The following CELSR3 variants were observed in gnomAD, a reference collection of about 807,000 sequenced individuals.
CELSR3 encodes the protein cadherin EGF LAG seven-pass G-type receptor 3, also known as EGF-like protein 1.
Under a neutral mutation model 270.0 loss-of-function variants are expected in CELSR3, and 73 were observed. The ratio of observed to expected loss-of-function variants is 0.27; its 90% confidence interval spans 0.22 to 0.33. CELSR3 has a LOEUF of 0.33. Ranked by LOEUF, CELSR3 falls within the 10% of genes least tolerant of loss-of-function variation. The probability of loss-of-function intolerance (pLI) is 1.00; values close to 1 mark genes in which losing one functional copy is unlikely to be tolerated. For synonymous variants in CELSR3, 1,780 were observed against 1,905.4 expected (o/e 0.93, Z 1.71); for missense variants, 3,614 against 4,533.8 (o/e 0.80, Z 5.83).
chr3:48,641,131 G>A lies in CELSR3; in HGVS notation c.9025+193C>T, dbSNP rs1264716019. The A allele has an allele frequency of 3.4e-6, 2 of 591,612 alleles. No homozygotes were observed. The highest frequency in any genetic ancestry group is 3.0e-6 in the Non-Finnish European group (1 of 330,830). 36.6% of individuals were successfully genotyped at this position (591,612 alleles called of 1,614,324 possible). A position where few individuals can be genotyped will look rare whatever the true frequency, so the allele number is the denominator to read the frequency against. ...CCCCTGTGGTGCTGGCCAGGGTAGA[G>A]GGGGACAGAGAATTCCCAGGTCAGG... On this transcript the variant is annotated intron_variant, in intron 33 of 34. Coordinates refer to ENST00000164024, the MANE Select transcript of CELSR3 (RefSeq NM_001407.3). This position sits in a 1 kb window ranked among gnomAD's most constrained non-coding sequence, Gnocchi z 4.8.
At position 48,652,077 on chromosome 3, in the gene CELSR3, G is replaced by T. The variant is rs752179609; in HGVS notation, c.5752-29C>A. ...TGGACACACAGCCAGCAAGGGGTGAGACCATGTTAAGGCACCTCAGCCTCA... is the reference window on the plus strand; with the variant it reads ...TGGACACACAGCCAGCAAGGGGTGATACCATGTTAAGGCACCTCAGCCTCA... On this transcript the variant is annotated intron_variant, in intron 11 of 34. Coordinates refer to ENST00000164024, the MANE Select transcript of CELSR3 (RefSeq NM_001407.3). The surrounding 1 kb of genome is among the most constrained non-coding windows in gnomAD (Gnocchi z 4.3). 1.3e-6 allele frequency: 2 copies of T among 1,506,802 alleles called. No individual in the cohort carries two copies. The highest frequency in any genetic ancestry group is 8.8e-7 in the Non-Finnish European group (1 of 1,132,292). 93.3% of individuals were successfully genotyped at this position (1,506,802 alleles called of 1,614,324 possible).
Position 48,658,816 on chromosome 3 carries a change from G to T in CELSR3, c.3748+71C>A. 1 of 1,546,152 alleles carries T rather than the reference G, an allele frequency of 6.5e-7. No individual in the cohort carries two copies. The highest frequency in any genetic ancestry group is 1.2e-5 in the South Asian group (1 of 81,428). ...CTTAGAAATCCCTCTTTGGTTTGAGGTGCCCTGTGGAGTCCCTGAGGCCCA... is the reference window on the plus strand; with the variant it reads ...CTTAGAAATCCCTCTTTGGTTTGAGTTGCCCTGTGGAGTCCCTGAGGCCCA... On this transcript the variant is annotated intron_variant, in intron 1 of 34. Coordinates refer to ENST00000164024, the MANE Select transcript of CELSR3 (RefSeq NM_001407.3). This position sits in a 1 kb window ranked among gnomAD's most constrained non-coding sequence, Gnocchi z 4.7.
Position 48,660,860 on chromosome 3 carries a change from T to C in CELSR3, c.1775A>G (p.His592Arg), listed in dbSNP as rs991689066. 1 of 1,614,016 alleles carries C rather than the reference T, an allele frequency of 6.2e-7. No homozygotes were observed. Among genetic ancestry groups the C allele is most frequent in the African/African-American group, 1.3e-5 (1 of 75,070 alleles). The change falls in exon 1 of 35, where the codon CAC (histidine) becomes CGC (arginine). Residue 592 changes from histidine (H) to arginine (R), a missense_variant. Physicochemically the swap from His to Arg is conservative, Grantham distance 29. Coordinates refer to ENST00000164024, the MANE Select transcript of CELSR3 (RefSeq NM_001407.3). This position sits in a 1 kb window ranked among gnomAD's most constrained non-coding sequence, Gnocchi z 5.5. ...YNIISGNSRG[H>R]FAIDSLTGEI... The stretch of plus-strand genomic sequence containing the variant: ...GCCAGTGAGGCTGTCGATGGCAAAG[T>C]GTCCACGGCTATTGCCACTGATGAT...
In CELSR3 at chr3:48,656,668, C is replaced by T. The variant is rs568858737; in HGVS notation, c.4399+30G>A. 334 of 1,457,212 alleles carry T rather than the reference C, an allele frequency of 2.3e-4. 2 individuals carry two copies. The highest frequency in any genetic ancestry group is 2.2e-3 in the Middle Eastern group (12 of 5,398). The allele number at this position is 1,457,212 out of a possible 1,614,324, so 90.3% of individuals were successfully genotyped here. A position where few individuals can be genotyped will look rare whatever the true frequency, so the allele number is the denominator to read the frequency against. ...CCGCCCCCAGCCTTGGCCCGTGCTT[C>T]CCCCAGCTCTGGCCCGGCGCCCTGC... is the stretch of plus-strand genomic sequence containing the variant. On this transcript the variant is annotated intron_variant, in intron 2 of 34. Coordinates refer to ENST00000164024, the MANE Select transcript of CELSR3 (RefSeq NM_001407.3).
rs777612046 is a variant in CELSR3 at position 48,654,646 on chromosome 3, C to G, written c.4989-194G>C. ...GGGGCACCCGTGATGGGCCGATGGT[C>G]TGGGGAAAGGTAGGTGAATGGGGGT... On this transcript the variant is annotated intron_variant, in intron 6 of 34. Coordinates refer to ENST00000164024, the MANE Select transcript of CELSR3 (RefSeq NM_001407.3). This position sits in a 1 kb window ranked among gnomAD's most constrained non-coding sequence, Gnocchi z 5.4. Among the ~76,000 whole-genome samples, 6 of 151,236 alleles carry G rather than the reference C, an allele frequency of 4.0e-5. No individual in the cohort carries two copies. Among genetic ancestry groups the G allele is most frequent in the Non-Finnish European group, 7.4e-5 (5 of 67,988 alleles).
At position 48,638,034 on chromosome 3, in the gene CELSR3, A is replaced by G. The variant is rs1245465922; in HGVS notation, c.*171T>C. 2 of 610,410 alleles carry G rather than the reference A, an allele frequency of 3.3e-6. No homozygotes were observed. Among genetic ancestry groups the G allele is most frequent in the Non-Finnish European group, 6.1e-6 (2 of 330,508 alleles). The allele number at this position is 610,410 out of a possible 1,614,324, so 37.8% of individuals were successfully genotyped here. ...CCCCGTCTCTGCACCTGTCACACGCATGCTCACAGATGCACATGGAGCCTC... is the reference window on the plus strand; with the variant it reads ...CCCCGTCTCTGCACCTGTCACACGCGTGCTCACAGATGCACATGGAGCCTC... On this transcript the variant is annotated 3_prime_UTR_variant, in exon 35 of 35. Coordinates refer to ENST00000164024, the MANE Select transcript of CELSR3 (RefSeq NM_001407.3).
At position 48,652,924 on chromosome 3, in the gene CELSR3, TG is replaced by T; in HGVS notation, c.5634+77del. The stretch of plus-strand genomic sequence containing the variant: ...TGCAGTGGAGGGAACTGAGAGGAGC[TG>T]GACTAGAGGTGGGGTCAAATAAGGC... On this transcript the variant is annotated intron_variant, in intron 10 of 34. Transcript: ENST00000164024. The surrounding 1 kb of genome is among the most constrained non-coding windows in gnomAD (Gnocchi z 4.3). The T allele has an allele frequency of 8.4e-7, 1 of 1,196,060 alleles. No homozygotes were observed. The highest frequency in any genetic ancestry group is 1.2e-6 in the Non-Finnish European group (1 of 818,504). 74.1% of individuals were successfully genotyped at this position (1,196,060 alleles called of 1,614,324 possible). A position where few individuals can be genotyped will look rare whatever the true frequency, so the allele number is the denominator to read the frequency against.
In CELSR3 at chr3:48,646,252, G is replaced by T. The variant is rs760232249; in HGVS notation, c.7301C>A (p.Pro2434His). 6.2e-7 allele frequency: 1 copy of T among 1,609,698 alleles called. No homozygotes were observed. Among genetic ancestry groups the T allele is most frequent in the East Asian group, 2.2e-5 (1 of 44,800 alleles). The part of the protein sequence containing the change: ...FQAERRGARL[P>H]QNPVMNSPVV... ...CGGGGAGTTCATGACGGGGTTCTGA[G>T]GAAGCCTGGGGAGACACCCATCTGG... is the stretch of plus-strand genomic sequence containing the variant. The change falls in exon 22 of 35, where the codon CCT becomes CAT. Residue 2434 changes from proline to histidine, a missense_variant. Physicochemically the swap from Pro to His is moderately conservative, Grantham distance 77. Around this residue, in one of 7 missense-constraint regions of CELSR3, gnomAD observed 1,240 missense variants for 1,351.7 expected, o/e 0.92. Coordinates refer to ENST00000164024, the MANE Select transcript of CELSR3 (RefSeq NM_001407.3). This position sits in a 1 kb window ranked among gnomAD's most constrained non-coding sequence, Gnocchi z 4.8.
Position 48,650,284 on chromosome 3 carries a change from G to T in CELSR3, c.6472+196C>A. On this transcript the variant is annotated intron_variant, in intron 16 of 34. Coordinates refer to ENST00000164024, the MANE Select transcript of CELSR3 (RefSeq NM_001407.3). The surrounding 1 kb of genome is among the most constrained non-coding windows in gnomAD (Gnocchi z 5.1). ...AACACGTACCCCTTACCTGCACCCC[G>T]CAATCCTGCCCAGAAGCCAAGAGAA... is the stretch of plus-strand genomic sequence containing the variant. 1.5e-6 allele frequency: 1 copy of T among 684,386 alleles called. No homozygotes were observed. The highest frequency in any genetic ancestry group is 2.7e-6 in the Non-Finnish European group (1 of 373,822). The allele number at this position is 684,386 out of a possible 1,614,324, so 42.4% of individuals were successfully genotyped here. A position where few individuals can be genotyped will look rare whatever the true frequency, so the allele number is the denominator to read the frequency against.
chr3:48,654,923 T>G lies in CELSR3; in HGVS notation c.4988+121A>C. 2.0e-6 allele frequency: 2 copies of G among 1,016,036 alleles called. No homozygotes were observed. Among genetic ancestry groups the G allele is most frequent in the Admixed American group, 1.9e-5 (1 of 51,860 alleles). 62.9% of individuals were successfully genotyped at this position (1,016,036 alleles called of 1,614,324 possible). On this transcript the variant is annotated intron_variant, in intron 6 of 34. Transcript: ENST00000164024. This position sits in a 1 kb window ranked among gnomAD's most constrained non-coding sequence, Gnocchi z 5.4. ...CAGGGTCTTTGAGAGGAGAGGGGAA[T>G]CTTGGTGGTTTGGGGGAAAGATGGG...
Position 48,645,969 on chromosome 3 carries a change from G to A in CELSR3, c.7464-101C>T. 1 of 1,569,530 alleles carries A rather than the reference G, an allele frequency of 6.4e-7. No homozygotes were observed. Among genetic ancestry groups the A allele is most frequent in the East Asian group, 2.3e-5 (1 of 44,208 alleles). On this transcript the variant is annotated intron_variant, in intron 22 of 34. Coordinates refer to ENST00000164024, the MANE Select transcript of CELSR3 (RefSeq NM_001407.3). The surrounding 1 kb of genome is among the most constrained non-coding windows in gnomAD (Gnocchi z 5.4). ...TGAGGGTGCCTGGAGTTGGGGTACA[G>A]CATTCCTCATGGTCCGGGTTGCACA...
rs2047132369 is a variant in CELSR3 at position 48,651,001 on chromosome 3, G to A, written c.6261C>T (p.Arg2087=). The change falls in exon 15 of 35, where the codon CGC becomes CGT. Residue 2087 remains arginine, a synonymous_variant. Transcript: ENST00000164024. This position sits in a 1 kb window ranked among gnomAD's most constrained non-coding sequence, Gnocchi z 7.4. ...ACTGCCCGCTGTGGGGTGCACATGAGCGCGAGGTGGAGCCCACAGGGTAGC... is the reference window on the plus strand; with the variant it reads ...ACTGCCCGCTGTGGGGTGCACATGAACGCGAGGTGGAGCCCACAGGGTAGC... ...CDCYPVGSTS[R]SCAPHSGQCP... 1 of 1,608,242 alleles carries A rather than the reference G, an allele frequency of 6.2e-7. No individual in the cohort carries two copies. Among genetic ancestry groups the A allele is most frequent in the Non-Finnish European group, 8.5e-7 (1 of 1,178,104 alleles).
Position 48,640,161 on chromosome 3 carries a change from C to A in CELSR3, c.9424G>T (p.Asp3142Tyr). Residue 3142 changes from aspartate to tyrosine, a missense_variant, in exon 34 of 35, where the codon GAT becomes TAT. Physicochemically the swap from Asp to Tyr is radical, Grantham distance 160 (BLOSUM62 -3). This residue lies in a region of CELSR3 where 1,240 missense variants were observed against 1,351.7 expected (regional missense o/e 0.92). Coordinates refer to ENST00000164024, the MANE Select transcript of CELSR3 (RefSeq NM_001407.3). This position sits in a 1 kb window ranked among gnomAD's most constrained non-coding sequence, Gnocchi z 7.5. ...CGAGGTGCCCCTAAGTCGAGCGCAT[C>A]CCGTGACCCGAAGCGGCCAGCCATG... ...GAMAGRFGSR[D>Y]ALDLGAPREW... 1 of 1,612,634 alleles carries A rather than the reference C, an allele frequency of 6.2e-7. No individual in the cohort carries two copies. The highest frequency in any genetic ancestry group is 1.3e-5 in the African/African-American group (1 of 75,052).
In CELSR3 at chr3:48,640,091, A is replaced by G; in HGVS notation, c.9494T>C (p.Leu3165Pro). 6.2e-7 allele frequency: 1 copy of G among 1,611,066 alleles called. No homozygotes were observed. The change falls in exon 34 of 35, where the codon CTT becomes CCT. Residue 3165 changes from leucine to proline, a missense_variant. Leu to Pro is a moderately conservative substitution (Grantham distance 98). Transcript: ENST00000164024. This position sits in a 1 kb window ranked among gnomAD's most constrained non-coding sequence, Gnocchi z 7.5. The stretch of plus-strand genomic sequence containing the variant: ...GGGCAGAGGTGGGGGCTGTGGGTCA[A>G]GGTCCCGGGTGCGGCGGGGCGGAGG... ...TLPPPRRTRD[L>P]DPQPPPLPLS... is the part of the protein sequence containing the mutation.
chr3:48,653,615 A>T lies in CELSR3; in HGVS notation c.5448+4T>A. ...GGGTATAGGGGTGAGCAGGGTGGAC[A>T]CACCTGGCAAAGGAGCGTGCTGTGT... is the stretch of plus-strand genomic sequence containing the variant. On this transcript the variant is annotated splice_donor_region_variant and intron_variant, in intron 9 of 34. Coordinates refer to ENST00000164024, the MANE Select transcript of CELSR3 (RefSeq NM_001407.3). The surrounding 1 kb of genome is among the most constrained non-coding windows in gnomAD (Gnocchi z 6.5). The T allele has an allele frequency of 1.9e-6, 3 of 1,613,574 alleles. No individual in the cohort carries two copies. The highest frequency in any genetic ancestry group is 2.5e-6 in the Non-Finnish European group (3 of 1,179,698).
chr3:48,654,568 A>T lies in CELSR3; in HGVS notation c.4989-116T>A. 1 of 861,196 alleles carries T rather than the reference A, an allele frequency of 1.2e-6. No homozygotes were observed. Among genetic ancestry groups the T allele is most frequent in the Non-Finnish European group, 1.8e-6 (1 of 563,062 alleles). 53.3% of individuals were successfully genotyped at this position (861,196 alleles called of 1,614,324 possible). On this transcript the variant is annotated intron_variant, in intron 6 of 34. Transcript: ENST00000164024. This position sits in a 1 kb window ranked among gnomAD's most constrained non-coding sequence, Gnocchi z 5.4. Reference sequence around the variant, plus strand: ...GAGGGTAGGGTGATTGAGGGAGGAAAATAAGGCCGAGCTGTGGAAGGAGTT... The same window carrying T: ...GAGGGTAGGGTGATTGAGGGAGGAATATAAGGCCGAGCTGTGGAAGGAGTT...
rs2047027696 is a variant in CELSR3 at position 48,641,653 on chromosome 3, C to T, written c.8825-129G>A. ...AGGTGGGAACAGGAGGGTATCTCCTCAGAGATCAATGGGTGGGGGTGACTG... is the reference window on the plus strand; with the variant it reads ...AGGTGGGAACAGGAGGGTATCTCCTTAGAGATCAATGGGTGGGGGTGACTG... On this transcript the variant is annotated intron_variant, in intron 32 of 34. Transcript: ENST00000164024. The surrounding 1 kb of genome is among the most constrained non-coding windows in gnomAD (Gnocchi z 4.8). 3.6e-6 allele frequency: 3 copies of T among 832,672 alleles called. No individual in the cohort carries two copies. Among genetic ancestry groups the T allele is most frequent in the African/African-American group, 1.7e-5 (1 of 58,244 alleles). 51.6% of individuals were successfully genotyped at this position (832,672 alleles called of 1,614,324 possible).
rs1162512608 is a variant in CELSR3 at position 48,653,678 on chromosome 3, C to T, written c.5389G>A (p.Ala1797Thr). The change falls in exon 9 of 35, where the codon GCA becomes ACA. Residue 1797 changes from alanine to threonine, a missense_variant. Physicochemically the swap from Ala to Thr is moderately conservative, Grantham distance 58 (BLOSUM62 0). Around this residue, in one of 7 missense-constraint regions of CELSR3, gnomAD observed 1,331 missense variants for 1,933.7 expected, o/e 0.69. Coordinates refer to ENST00000164024, the MANE Select transcript of CELSR3 (RefSeq NM_001407.3). The surrounding 1 kb of genome is among the most constrained non-coding windows in gnomAD (Gnocchi z 6.5). ...ACTTGCATCAGGACCCCCTGCGTTG[C>T]CCGTGTCCGAAATGCCAGCCCCAGG... is the stretch of plus-strand genomic sequence containing the variant. ...WYLGLAFRTR[A>T]TQGVLMQVQA... The T allele has an allele frequency of 8.1e-6, 13 of 1,614,064 alleles. No homozygotes were observed. Among genetic ancestry groups the T allele is most frequent in the Non-Finnish European group, 1.1e-5 (13 of 1,180,030 alleles).
rs541586279 is a variant in CELSR3, at chr3:48,653,906, C to T, written c.5250G>A (p.Val1750=). The change falls in exon 8 of 35, where the codon GTG becomes GTA. Residue 1750 remains valine, a synonymous_variant. Coordinates refer to ENST00000164024, the MANE Select transcript of CELSR3 (RefSeq NM_001407.3). This position sits in a 1 kb window ranked among gnomAD's most constrained non-coding sequence, Gnocchi z 6.5. The part of the protein sequence containing the change: ...RWGSFSCDCP[V]GFGGKDCQLT... The stretch of plus-strand genomic sequence containing the variant: ...GCTGACAGTCTTTGCCGCCGAAGCC[C>T]ACAGGGCAGTCGCAGCTGAAGCTGC... The T allele has an allele frequency of 1.4e-5, 23 of 1,613,774 alleles. No homozygotes were observed. In the South Asian group the frequency reaches 2.4e-4, roughly 17 times the overall value.
Sources: gnomAD v4.1 joint callset for allele counts (sites outside exome capture counted in the v4.1 genomes callset) on GRCh38, gnomAD v4.1.1 for gene constraint, gnomAD v4.1.1 regional missense constraint, Gnocchi (gnomAD v3.1) non-coding constraint, MANE v1.5 for transcripts, NCBI Gene and HGNC (gene_info 2026-07-23, HGNC 2026-07-21) for gene names.